CADPS2: variants seen among roughly 807,000 people sequenced by gnomAD.
CADPS2 encodes the protein calcium dependent secretion activator 2.
Under a neutral mutation model 172.5 loss-of-function variants are expected in CADPS2, and 93 were observed. The observed-to-expected ratio is 0.54, with a 90% CI of 0.46 to 0.64. CADPS2 has a LOEUF of 0.64. Among genes scored for constraint, CADPS2 ranks in the 30% least tolerant of loss-of-function variants. CADPS2 has a pLI of 0.00. For missense variants in CADPS2, 1,420 were observed against 1,565.9 expected (o/e 0.91, Z 1.57); for synonymous variants, 546 against 555.2 (o/e 0.98, Z 0.23).
At chr7:122,372,624 GAACA>G (rs778677677) in intron 25 of CADPS2, among the ~76,000 whole-genome samples, 33 of 152,168 alleles carry the variant, frequency 2.2e-4, no homozygotes, top group Non-Finnish European at 3.5e-4. Context: ...AATATGCACA[GAACA>G]ATTAAAATAT....
rs146373964 is a variant in CADPS2 at position 122,777,546 on chromosome 7, C to G, written c.340-40478G>C. 7.1e-3 allele frequency among the ~76,000 whole-genome samples: 1,081 copies of G among 152,284 alleles called. 9 individuals carry two copies. Among genetic ancestry groups the G allele is most frequent in the Middle Eastern group, 0.02 (6 of 294 alleles). On this transcript the variant is annotated intron_variant, in intron 1 of 29. Transcript: ENST00000449022. ...GGCTATGTCCCCACCCAAATGTCAT[C>G]TTGAACTGTAGTTCTTATAATTCCC... is the stretch of plus-strand genomic sequence containing the variant.
chr7:122,829,177 T>C (rs1179505948), intron 1 of CADPS2, among the ~76,000 whole-genome samples: 4 of 152,196 alleles, frequency 2.6e-5, no homozygotes, highest in Admixed American at 6.5e-5. Context: ...CTGAGGTCAG[T>C]AATAATAGAA....
intron 1 of CADPS2, among the ~76,000 whole-genome samples, chr7:122,802,947 A>G (rs1797967915): frequency 6.6e-6 from 1 of 152,144 alleles, no homozygotes; most frequent in Non-Finnish European, 1.5e-5. Flanking sequence ...TACAACAATT[A>G]CCTCCACTCA....
intron 20 of CADPS2, among the ~76,000 whole-genome samples, chr7:122,404,454 C>T (rs1198804311): frequency 6.6e-6 from 1 of 152,100 alleles, no homozygotes; most frequent in African/African-American, 2.4e-5. Context: ...AATAAACATA[C>T]GTGTGCATGT....
At chr7:122,629,397 G>T in intron 3 of CADPS2, 69 bp from the exon 4 acceptor site, 1 of 1,140,382 alleles carries the variant, frequency 8.8e-7, no homozygotes, top group Non-Finnish European at 1.2e-6. Context: ...ACAGACTGAG[G>T]CAGTCCCACA....
At chr7:122,747,283 G>A (rs571783640) in intron 1 of CADPS2, among the ~76,000 whole-genome samples, 2 of 152,052 alleles carry the variant, frequency 1.3e-5, no homozygotes, top group South Asian at 2.1e-4. Flanking sequence ...CATGTGCTAT[G>A]GAAAAAAGGA....
At chr7:122,438,149 G>A (rs1335586310) in intron 17 of CADPS2, among the ~76,000 whole-genome samples, 192 bp downstream of exon 17, 1 of 152,070 alleles carries the variant, frequency 6.6e-6, no homozygotes, top group Non-Finnish European at 1.5e-5. Flanking sequence ...CATTCAAGCA[G>A]AGTCCCAGGA....
chr7:122,796,398 A>C (rs1194759916), intron 1 of CADPS2, among the ~76,000 whole-genome samples: 1 of 152,012 alleles, frequency 6.6e-6, no homozygotes, highest in Non-Finnish European at 1.5e-5. Context: ...ATGGAGCCCA[A>C]ATAGCCAAGG....
At chr7:122,810,104 T>C (rs1387236100) in intron 1 of CADPS2, among the ~76,000 whole-genome samples, 1 of 152,080 alleles carries the variant, frequency 6.6e-6, no homozygotes, top group Non-Finnish European at 1.5e-5. Flanking sequence ...CCCAAGTAAG[T>C]TTACATCTAG....
chr7:122,836,073 T>C (rs1286949593), intron 1 of CADPS2, among the ~76,000 whole-genome samples: 2 of 152,026 alleles, frequency 1.3e-5, no homozygotes, highest in African/African-American at 4.8e-5. Context: ...AGACTAACAG[T>C]GGATCTCTCA....
At chr7:122,532,035 A>C (rs1586914399) in intron 8 of CADPS2, among the ~76,000 whole-genome samples, 2 of 151,070 alleles carry the variant, frequency 1.3e-5, no homozygotes, top group African/African-American at 4.9e-5. Context: ...CGTCTCAAAA[A>C]AAAAAAAAAC....
At chr7:122,454,728 T>C (rs1000523000) in intron 14 of CADPS2, among the ~76,000 whole-genome samples, 2 of 152,210 alleles carry the variant, frequency 1.3e-5, no homozygotes, top group African/African-American at 4.8e-5. Flanking sequence ...TTATATTTTA[T>C]GAATGTTTGT....
intron 8 of CADPS2, among the ~76,000 whole-genome samples, chr7:122,545,825 T>C (rs1487128365): frequency 6.6e-6 from 1 of 152,128 alleles, no homozygotes; most frequent in Non-Finnish European, 1.5e-5. Context: ...AAGGTGGAAA[T>C]AGGTGGTATT....
intron 29 of CADPS2, among the ~76,000 whole-genome samples, chr7:122,323,871 T>TA (rs750556448): frequency 2.6e-5 from 3 of 117,152 alleles, no homozygotes; most frequent in Admixed American, 2.0e-4. Flanking sequence ...CATATGTATA[T>TA]TTTATATATA....
chr7:122,471,667 T>C (rs1479976243), intron 13 of CADPS2, 105 bp from the exon 14 acceptor site: 3 of 879,424 alleles, frequency 3.4e-6, no homozygotes, highest in East Asian at 2.8e-5. Context: ...TGCATGAAAG[T>C]ATCTTGACAT....
chr7:122,601,142 T>TG (rs113579963), intron 6 of CADPS2, among the ~76,000 whole-genome samples: 63,682 of 151,804 alleles, frequency 0.42, 15,138 homozygotes, highest in African/African-American at 0.65. Flanking sequence ...GCATAAAAGA[T>TG]TATTTTTCAT....
intron 1 of CADPS2, among the ~76,000 whole-genome samples, chr7:122,844,575 A>C (rs1811451069): frequency 1.3e-5 from 2 of 152,242 alleles, no homozygotes; most frequent in African/African-American, 4.8e-5. Flanking sequence ...ATTTTAGAAG[A>C]CTGGCACTCA....
chr7:122,448,541 C>T (rs4727941), intron 15 of CADPS2, among the ~76,000 whole-genome samples: 62,518 of 151,948 alleles, frequency 0.41, 13,196 homozygotes, highest in African/African-American at 0.5. Flanking sequence ...GAAACTAAAA[C>T]GATACTAATA....
At chr7:122,340,374 T>C (rs982104418) in intron 28 of CADPS2, among the ~76,000 whole-genome samples, 3 of 152,190 alleles carry the variant, frequency 2.0e-5, no homozygotes, top group African/African-American at 7.2e-5. Context: ...TAAAATGAGA[T>C]AGTTTCCAAG....
Sources: allele counts gnomAD v4.1 joint callset (sites outside exome capture counted in the v4.1 genomes callset), GRCh38; gene constraint gnomAD v4.1.1; transcripts MANE v1.5; gene names NCBI Gene and HGNC (gene_info 2026-07-23, HGNC 2026-07-21).